SNX1: variants seen among roughly 807,000 people sequenced by gnomAD.
The protein encoded by SNX1 is sorting nexin 1, also known as sorting nexin-1.
SNX1 carries 36 observed loss-of-function variants against 71.8 expected under a neutral mutation model. That is an observed-to-expected ratio of 0.50 (90% CI 0.38 to 0.66). The LOEUF (loss-of-function observed/expected upper bound fraction) is 0.66. Ranked by LOEUF, SNX1 falls within the 30% of genes least tolerant of loss-of-function variation. The probability of loss-of-function intolerance (pLI) is 0.00; values close to 1 mark genes in which losing one functional copy is unlikely to be tolerated. For synonymous variants in SNX1, 254 were observed against 240.7 expected, an observed-to-expected ratio of 1.06 and a Z score of -0.51; for missense variants, 612 against 646.7, an observed-to-expected ratio of 0.95 and a Z score of 0.58.
At chr15:64,137,402 C>G in intron 14 of SNX1, among the ~76,000 whole-genome samples, 166 bp from the exon 15 acceptor site, 1 of 152,208 alleles carries the variant, frequency 6.6e-6, no homozygotes, top group East Asian at 1.9e-4. Flanking sequence ...CCTTCCCTGT[C>G]GAGAGGGAGG....
chr15:64,143,420 G>T lies in SNX1; in HGVS notation c.*5802G>T, dbSNP rs1237628362. 1 of 152,224 alleles carries T rather than the reference G, an allele frequency of 6.6e-6. No homozygotes were observed. Among genetic ancestry groups the T allele is most frequent in the Admixed American group, 6.5e-5 (1 of 15,286 alleles). The allele number at this position is 152,224 out of a possible 1,614,324, so 9.4% of individuals were successfully genotyped here. A position where few individuals can be genotyped will look rare whatever the true frequency, so the allele number is the denominator to read the frequency against. On this transcript the variant is annotated 3_prime_UTR_variant, in exon 15 of 15. Coordinates refer to ENST00000559844, the MANE Select transcript of SNX1 (RefSeq NM_003099.5). ...CGCCTTTATAACTCCATGGGCCCCAGCAAAGGTTCAGGCTCAAAACAGGTG... is the reference window on the plus strand; with the variant it reads ...CGCCTTTATAACTCCATGGGCCCCATCAAAGGTTCAGGCTCAAAACAGGTG...
intron 11 of SNX1, chr15:64,132,416 G>A (rs1195821291): frequency 6.2e-6 from 1 of 161,356 alleles, no homozygotes; most frequent in African/African-American, 2.4e-5. Flanking sequence ...GAGAGAGCTT[G>A]TCACCAGAGC....
chr15:64,137,736 C>CCTGTCCCCACGACCAA lies in SNX1; in HGVS notation c.*128_*143dup. On this transcript the variant is annotated 3_prime_UTR_variant, in exon 15 of 15. Transcript: ENST00000559844. ...CTAGGCTGGACTTAACCCCTTCCTC[C>CCTGTCCCCACGACCAA]CTGTCCCCACGACCAACTGTCCCCA... 6.5e-7 allele frequency: 1 copy of CCTGTCCCCACGACCAA among 1,534,732 alleles called. No homozygotes were observed. Among genetic ancestry groups the CCTGTCCCCACGACCAA allele is most frequent in the African/African-American group, 1.4e-5 (1 of 72,886 alleles).
rs1474102688 is a variant in SNX1, at chr15:64,143,132, GAT to G, written c.*5516_*5517del. On this transcript the variant is annotated 3_prime_UTR_variant, in exon 15 of 15. Transcript: ENST00000559844. Reference sequence around the variant, plus strand: ...TAGGGGGAAGGGGAGGGCGGGAGAAGATAATGGGGATCCCTGGCTCCAAACAT... The same window carrying G: ...TAGGGGGAAGGGGAGGGCGGGAGAAGAATGGGGATCCCTGGCTCCAAACAT... 1.2e-5 allele frequency: 2 copies of G among 167,888 alleles called. No individual in the cohort carries two copies. The highest frequency in any genetic ancestry group is 2.6e-5 in the Non-Finnish European group (2 of 77,986). 10.4% of individuals were successfully genotyped at this position (167,888 alleles called of 1,614,324 possible). A position where few individuals can be genotyped will look rare whatever the true frequency, so the allele number is the denominator to read the frequency against.
At chr15:64,115,501 A>G (rs997942185) in intron 2 of SNX1, 2 of 391,298 alleles carry the variant, frequency 5.1e-6, no homozygotes, top group Admixed American at 6.7e-5. Context: ...GCATGTTTTA[A>G]TATAAGTTTT....
intron 1 of SNX1, among the ~76,000 whole-genome samples, chr15:64,103,319 C>T (rs1418940944): frequency 6.6e-6 from 1 of 152,180 alleles, no homozygotes; most frequent in Non-Finnish European, 1.5e-5. Context: ...CATTCCCACC[C>T]ACAGTGTATG....
In SNX1 at chr15:64,138,323, C is replaced by CTTT. The variant is rs1205317987; in HGVS notation, c.*706_*707insTTT. On this transcript the variant is annotated 3_prime_UTR_variant, in exon 15 of 15. Coordinates refer to ENST00000559844, the MANE Select transcript of SNX1 (RefSeq NM_003099.5). ...CAAAGGAGGCAGAGACTTTCTCTCT[C>CTTT]TCTTTTTTTTTTTTTTTTGGTGTCC... The CTTT allele has an allele frequency of 5.7e-4, 397 of 694,056 alleles. 6 individuals are homozygous for CTTT. The African/African-American group carries it at 6.8e-3, about 12-fold the overall frequency. 43.0% of individuals were successfully genotyped at this position (694,056 alleles called of 1,614,324 possible).
chr15:64,114,456 C>T (rs1156379806), intron 2 of SNX1, among the ~76,000 whole-genome samples: 1 of 152,136 alleles, frequency 6.6e-6, no homozygotes, highest in Non-Finnish European at 1.5e-5. Flanking sequence ...AAAGAAGAAA[C>T]TGGCTTTGGG....
intron 1 of SNX1, among the ~76,000 whole-genome samples, chr15:64,097,187 C>T (rs2080911849): frequency 6.6e-6 from 1 of 152,192 alleles, no homozygotes; most frequent in South Asian, 2.1e-4. Context: ...ATGGTCCCTG[C>T]TTGGCCTGCG....
In SNX1 at chr15:64,102,278, T is replaced by C. The variant is rs1006576484; in HGVS notation, c.159+6106T>C. The stretch of plus-strand genomic sequence containing the variant: ...GTCTTTTTTGTATTTTTTATTGATA[T>C]AGTTGTACATATTTTTAGGATACAC... On this transcript the variant is annotated intron_variant, in intron 1 of 14. Coordinates refer to ENST00000559844, the MANE Select transcript of SNX1 (RefSeq NM_003099.5). Among the ~76,000 whole-genome samples the C allele has an allele frequency of 3.3e-5, 5 of 152,232 alleles. No homozygotes were observed. In the East Asian group the frequency reaches 9.6e-4, roughly 29 times the overall value.
intron 6 of SNX1, among the ~76,000 whole-genome samples, 162 bp from the exon 7 acceptor site, chr15:64,127,012 T>G (rs1376715047): frequency 6.6e-6 from 1 of 152,186 alleles, no homozygotes; most frequent in Non-Finnish European, 1.5e-5. Flanking sequence ...AAAGTGGCTC[T>G]CATGTAAAGA....
intron 6 of SNX1, 147 bp from the exon 7 acceptor site, chr15:64,127,027 T>G: frequency 3.2e-6 from 2 of 619,804 alleles, no homozygotes; most frequent in Admixed American, 6.3e-5. Context: ...TAAAGAACCT[T>G]TTGTTCATCC....
Position 64,142,610 on chromosome 15 carries a change from A to C in SNX1, c.*4992A>C, listed in dbSNP as rs2081426149. The C allele has an allele frequency of 2.2e-6, 1 of 455,846 alleles. No individual in the cohort carries two copies. Among genetic ancestry groups the C allele is most frequent in the Admixed American group, 2.4e-5 (1 of 42,538 alleles). 28.2% of individuals were successfully genotyped at this position (455,846 alleles called of 1,614,324 possible). On this transcript the variant is annotated 3_prime_UTR_variant, in exon 15 of 15. Transcript: ENST00000559844. ...AAGAGGGGAAGTTTCATGCTTGATA[A>C]TTAAAATTTTCTGAGATAGGAATGT...
chr15:64,130,357 AATTGTTGTCTCTAGTGAACTG>A, intron 10 of SNX1, 36 bp downstream of exon 10: 1 of 1,545,312 alleles, frequency 6.5e-7, no homozygotes, highest in Non-Finnish European at 8.9e-7. Flanking sequence ...AGCTAGGGGA[AATTGTTGTCTCTAGTGAACTG>A]GAGATGCGAG....
In SNX1 at chr15:64,114,731, T is replaced by A. The variant is rs528774404; in HGVS notation, c.271+2047T>A. Among the ~76,000 whole-genome samples the A allele has an allele frequency of 1.5e-4, 23 of 152,300 alleles. No individual in the cohort carries two copies. The South Asian group carries it at 4.8e-3, about 32-fold the overall frequency. ...ACCTTGGTAGGAAATTTAAAAGACATACAAGGAAAGAAGAGATTAGAAGAA... is the reference window on the plus strand; with the variant it reads ...ACCTTGGTAGGAAATTTAAAAGACAAACAAGGAAAGAAGAGATTAGAAGAA... On this transcript the variant is annotated intron_variant, in intron 2 of 14. Transcript: ENST00000559844.
Position 64,134,434 on chromosome 15 carries a change from G to A in SNX1, c.1222-230G>A. The A allele has an allele frequency of 1.9e-6, 1 of 533,666 alleles. No homozygotes were observed. Among genetic ancestry groups the A allele is most frequent in the East Asian group, 3.2e-5 (1 of 31,258 alleles). 33.1% of individuals were successfully genotyped at this position (533,666 alleles called of 1,614,324 possible). ...ACTGGATCCCTGCCATCCAGCCCTGGGAGTAGCATGAAGCAGCATGGCACT... is the reference window on the plus strand; with the variant it reads ...ACTGGATCCCTGCCATCCAGCCCTGAGAGTAGCATGAAGCAGCATGGCACT... On this transcript the variant is annotated intron_variant, in intron 11 of 14. Coordinates refer to ENST00000559844, the MANE Select transcript of SNX1 (RefSeq NM_003099.5). This position sits in a 1 kb window ranked among gnomAD's most constrained non-coding sequence, Gnocchi z 4.1.
At position 64,129,931 on chromosome 15, in the gene SNX1, G is replaced by A; in HGVS notation, c.823G>A (p.Gly275Ser). The A allele has an allele frequency of 1.2e-6, 2 of 1,613,978 alleles. No individual in the cohort carries two copies. The highest frequency in any genetic ancestry group is 1.1e-5 in the South Asian group (1 of 91,080). The change falls in exon 9 of 15, where the codon GGT (glycine) becomes AGT (serine). Residue 275 changes from glycine (G) to serine (S), a missense_variant. Around this residue, in one of 2 missense-constraint regions of SNX1, gnomAD observed 296 missense variants for 361.9 expected, o/e 0.82. Coordinates refer to ENST00000559844, the MANE Select transcript of SNX1 (RefSeq NM_003099.5). The surrounding 1 kb of genome is among the most constrained non-coding windows in gnomAD (Gnocchi z 4.4). ...LEKEELPRAV[G>S]TQTLSGAGLL... is the part of the protein sequence containing the mutation. ...GGTCTTGTAGCTGCCACGTGCCGTG[G>A]GTACCCAGACATTGAGTGGTGCTGG...
chr15:64,097,196 C>T (rs755943057), intron 1 of SNX1, among the ~76,000 whole-genome samples: 4 of 152,246 alleles, frequency 2.6e-5, no homozygotes, highest in Non-Finnish European at 2.9e-5. Flanking sequence ...GCTTGGCCTG[C>T]GGCCAGTCTA....
chr15:64,105,094 G>A (rs2081006471), intron 1 of SNX1, among the ~76,000 whole-genome samples: 1 of 151,732 alleles, frequency 6.6e-6, no homozygotes, highest in African/African-American at 2.4e-5. Flanking sequence ...AATTAGCCAG[G>A]CGTGGTGGTG....
Sources: allele counts gnomAD v4.1 joint callset (sites outside exome capture counted in the v4.1 genomes callset), GRCh38; gene constraint gnomAD v4.1.1; regional missense constraint gnomAD v4.1.1; non-coding constraint Gnocchi (gnomAD v3.1); transcripts MANE v1.5; gene names NCBI Gene and HGNC (gene_info 2026-07-23, HGNC 2026-07-21).